Variants in SIM2 observed in about 807,000 individuals in gnomAD.
SIM2 encodes single-minded homolog 2.
SIM2 carries 28 observed loss-of-function variants against 64.8 expected under a neutral mutation model. The ratio of observed to expected loss-of-function variants is 0.43; its 90% CI spans 0.32 to 0.59. The LOEUF is 0.59. Ranked by LOEUF, SIM2 falls within the 20% of genes least tolerant of loss-of-function variation. The pLI is 0.07. For missense variants in SIM2, 847 were observed against 871.4 expected, an observed-to-expected ratio of 0.97 and a Z score of 0.35; for synonymous variants, 408 against 391.1, an observed-to-expected ratio of 1.04 and a Z score of -0.51.
chr21:36,740,009 GAGAAAGAAAGAAAGAAAGAA>G (rs71840582), intron 7 of SIM2, among the ~76,000 whole-genome samples: 2,983 of 131,246 alleles, frequency 0.023, 46 homozygotes, highest in Non-Finnish European at 0.035. Context: ...GAAAGAAAGA[GAGAAAGAAAGAAAGAAAGAA>G]AGAAAGAAAG....
In SIM2 at chr21:36,699,637, G is replaced by C. The variant is rs2088454533; in HGVS notation, c.-110G>C. 1 of 1,284,992 alleles carries C rather than the reference G, an allele frequency of 7.8e-7. No individual in the cohort carries two copies. The highest frequency in any genetic ancestry group is 2.8e-5 in the Admixed American group (1 of 35,282). 79.6% of individuals were successfully genotyped at this position (1,284,992 alleles called of 1,614,324 possible). A position where few individuals can be genotyped will look rare whatever the true frequency, so the allele number is the denominator to read the frequency against. On this transcript the variant is annotated 5_prime_UTR_variant, in exon 1 of 11. Coordinates refer to ENST00000290399, the MANE Select transcript of SIM2 (RefSeq NM_005069.6). The surrounding 1 kb of genome is among the most constrained non-coding windows in gnomAD (Gnocchi z 5.6). ...GCACCTGCCCGCGGCCCACTCCGCG[G>C]ACTCACCTGGCTCCCGGCTCCCCCT... is the stretch of plus-strand genomic sequence containing the variant.
intron 2 of SIM2, among the ~76,000 whole-genome samples, chr21:36,712,312 T>C (rs1463216219): frequency 6.6e-6 from 1 of 152,244 alleles, no homozygotes; most frequent in Non-Finnish European, 1.5e-5. Flanking sequence ...TGATTGTTTC[T>C]AAAGTGCTTT....
intron 1 of SIM2, among the ~76,000 whole-genome samples, chr21:36,700,876 G>A (rs1040683665): frequency 2.0e-5 from 3 of 152,386 alleles, no homozygotes; most frequent in African/African-American, 7.2e-5. Flanking sequence ...AGGGGCGCTG[G>A]GACCCGCGGT....
At position 36,735,141 on chromosome 21, in the gene SIM2, C is replaced by T. The variant is rs544401613; in HGVS notation, c.850+3990C>T. Among the ~76,000 whole-genome samples the T allele has an allele frequency of 3.3e-5, 5 of 152,230 alleles. No homozygotes were observed. The East Asian group carries it at 9.7e-4, about 29-fold the overall frequency. ...GGAGAGTGAGCTGAGGTATTGATAC[C>T]CCTGTGCCTGTCAGTCAGTAGCTGG... On this transcript the variant is annotated intron_variant, in intron 7 of 10. Coordinates refer to ENST00000290399, the MANE Select transcript of SIM2 (RefSeq NM_005069.6).
At chr21:36,731,608 A>C (rs908989054) in intron 7 of SIM2, among the ~76,000 whole-genome samples, 1 of 152,148 alleles carries the variant, frequency 6.6e-6, no homozygotes, top group Non-Finnish European at 1.5e-5. Flanking sequence ...AGATAGGTTA[A>C]GCCGCTTGCC....
intron 7 of SIM2, 76 bp from the exon 8 acceptor site, chr21:36,741,641 G>T (rs2089159739): frequency 1.9e-6 from 3 of 1,540,228 alleles, no homozygotes; most frequent in Non-Finnish European, 1.8e-6. Flanking sequence ...TTGGGACAGA[G>T]GTCACCGTTG....
In SIM2 at chr21:36,699,757, A is replaced by T; in HGVS notation, c.11A>T (p.Lys4Met). 2 of 1,612,604 alleles carry T rather than the reference A, an allele frequency of 1.2e-6. No individual in the cohort carries two copies. Among genetic ancestry groups the T allele is most frequent in the South Asian group, 1.1e-5 (1 of 90,952 alleles). Residue 4 changes from lysine (K) to methionine (M), a missense_variant, in exon 1 of 11, where the codon AAG becomes ATG. By Grantham distance (95) the Lys-to-Met change is moderately conservative (BLOSUM62 -1). Transcript: ENST00000290399. The surrounding 1 kb of genome is among the most constrained non-coding windows in gnomAD (Gnocchi z 5.6). ...CGGAGCCGAGGCGCGATGAAGGAGA[A>T]GTCCAAGAATGCGGCCAAGACCAGG... is the stretch of plus-strand genomic sequence containing the variant. MKE[K>M]SKNAAKTRRE...
rs140431238 is a variant in SIM2 at position 36,711,408 on chromosome 21, A to T, written c.259-1125A>T. Among the ~76,000 whole-genome samples, 3 of 152,358 alleles carry T rather than the reference A, an allele frequency of 2.0e-5. No individual in the cohort carries two copies. The East Asian group carries it at 5.8e-4, about 29-fold the overall frequency. On this transcript the variant is annotated intron_variant, in intron 2 of 10. Transcript: ENST00000290399. ...CTTGAAAGTTAGGCTTATAATCAAG[A>T]TGCTGATTTTCAACCTTAGCATCGG... is the stretch of plus-strand genomic sequence containing the variant.
chr21:36,739,824 G>A lies in SIM2; in HGVS notation c.851-1893G>A, dbSNP rs547825913. On this transcript the variant is annotated intron_variant, in intron 7 of 10. Transcript: ENST00000290399. ...GGAGGGCAAGGTAGGCGGACCACTT[G>A]AGGTCAGGAGTTTGAGACCAGCCTG... is the stretch of plus-strand genomic sequence containing the variant. Among the ~76,000 whole-genome samples, 11 of 152,250 alleles carry A rather than the reference G, an allele frequency of 7.2e-5. No homozygotes were observed. In the South Asian group the frequency reaches 2.3e-3, roughly 32 times the overall value.
At chr21:36,718,894 A>C (rs941207991) in intron 3 of SIM2, among the ~76,000 whole-genome samples, 1 of 152,140 alleles carries the variant, frequency 6.6e-6, no homozygotes, top group African/African-American at 2.4e-5. Flanking sequence ...CCTGGTGCTT[A>C]TGTTTGAGAG....
At position 36,748,821 on chromosome 21, in the gene SIM2, T is replaced by C. The variant is rs1020782420; in HGVS notation, c.*729T>C. 1.3e-5 allele frequency: 2 copies of C among 152,714 alleles called. No individual in the cohort carries two copies. Among genetic ancestry groups the C allele is most frequent in the Non-Finnish European group, 2.9e-5 (2 of 68,034 alleles). 9.5% of individuals were successfully genotyped at this position (152,714 alleles called of 1,614,324 possible). A position where few individuals can be genotyped will look rare whatever the true frequency, so the allele number is the denominator to read the frequency against. On this transcript the variant is annotated 3_prime_UTR_variant, in exon 11 of 11. Coordinates refer to ENST00000290399, the MANE Select transcript of SIM2 (RefSeq NM_005069.6). ...CCAAGAGTAGCACCTTCAGAATATATTGAATAGGCATTAAATGCAAAAATA... is the reference window on the plus strand; with the variant it reads ...CCAAGAGTAGCACCTTCAGAATATACTGAATAGGCATTAAATGCAAAAATA...
At chr21:36,701,741 T>C (rs2088501141) in intron 1 of SIM2, among the ~76,000 whole-genome samples, 1 of 152,226 alleles carries the variant, frequency 6.6e-6, no homozygotes, top group African/African-American at 2.4e-5. Context: ...CTAGGGATGA[T>C]TCCACTCCGG....
chr21:36,729,559 C>A (rs2088938234), intron 6 of SIM2, among the ~76,000 whole-genome samples: 1 of 152,128 alleles, frequency 6.6e-6, no homozygotes, highest in Admixed American at 6.5e-5. Flanking sequence ...AAAGTGAGGT[C>A]AAGTTTTTCA....
chr21:36,727,523 G>A (rs905465597), intron 6 of SIM2, among the ~76,000 whole-genome samples: 14 of 152,168 alleles, frequency 9.2e-5, no homozygotes, highest in Admixed American at 3.9e-4. Flanking sequence ...AAACAGCAGC[G>A]CAGCCTGCCC....
intron 6 of SIM2, among the ~76,000 whole-genome samples, chr21:36,728,781 C>T (rs2088927832): frequency 6.6e-6 from 1 of 152,220 alleles, no homozygotes; most frequent in African/African-American, 2.4e-5. Flanking sequence ...CTTCTGAGTC[C>T]AAACCCCAGA....
rs1255017802 is a variant in SIM2, at chr21:36,726,225, T to C, written c.650T>C (p.Leu217Pro). 7 of 1,613,754 alleles carry C rather than the reference T, an allele frequency of 4.3e-6. No homozygotes were observed. Among genetic ancestry groups the C allele is most frequent in the Non-Finnish European group, 5.9e-6 (7 of 1,180,042 alleles). Residue 217 changes from leucine (L) to proline (P), a missense_variant, in exon 6 of 11, where the codon CTG becomes CCG. Coordinates refer to ENST00000290399, the MANE Select transcript of SIM2 (RefSeq NM_005069.6). The surrounding 1 kb of genome is among the most constrained non-coding windows in gnomAD (Gnocchi z 4.5). ...IVGLVAVGQS[L>P]PPSAITEIKL... ...GGGCTGGTGGCCGTGGGCCAGTCGC[T>C]GCCACCCAGTGCCATCACCGAGATC...
At chr21:36,740,037 AAGAAAGAAAG>A (rs2089139850) in intron 7 of SIM2, among the ~76,000 whole-genome samples, 1 of 145,800 alleles carries the variant, frequency 6.9e-6, no homozygotes, top group Admixed American at 6.8e-5. Context: ...GAAAGAAAGA[AAGAAAGAAAG>A]AAAGAAAGAA....
chr21:36,723,195 G>A lies in SIM2; in HGVS notation c.543+65G>A, dbSNP rs75359419. On this transcript the variant is annotated intron_variant, in intron 5 of 10. Transcript: ENST00000290399. ...GTCTTCAATGTGTGTTTTCAAGAGC[G>A]TCTGCAGAAAGGAAGGCACGGGAGC... 8.9e-4 allele frequency: 1,221 copies of A among 1,368,976 alleles called. 12 individuals are homozygous for A. The African/African-American group carries it at 0.015, about 17-fold the overall frequency. 84.8% of individuals were successfully genotyped at this position (1,368,976 alleles called of 1,614,324 possible). A position where few individuals can be genotyped will look rare whatever the true frequency, so the allele number is the denominator to read the frequency against.
At chr21:36,702,107 T>C (rs528162419) in intron 1 of SIM2, among the ~76,000 whole-genome samples, 1 of 152,352 alleles carries the variant, frequency 6.6e-6, no homozygotes, top group South Asian at 2.1e-4. Context: ...CAGCCACCTT[T>C]AAACCGGCTC....
Sources: allele counts gnomAD v4.1 joint callset (sites outside exome capture counted in the v4.1 genomes callset), GRCh38; gene constraint gnomAD v4.1.1; non-coding constraint Gnocchi (gnomAD v3.1); transcripts MANE v1.5; gene names NCBI Gene and HGNC (gene_info 2026-07-23, HGNC 2026-07-21).